ZNF783: variants seen among roughly 807,000 people sequenced by gnomAD.
ZNF783 encodes the protein protein ZNF783.
In ZNF783, 25 loss-of-function variants were observed where a neutral mutation model predicts 31.3. The observed-to-expected ratio is 0.80, with a 90% confidence interval of 0.58 to 1.11. ZNF783 has a LOEUF of 1.11. Ranked by LOEUF, ZNF783 falls within the 50% of genes most tolerant of loss-of-function variation. The pLI is 0.00. For missense variants in ZNF783, 797 were observed against 760.0 expected, an observed-to-expected ratio of 1.05 and a Z score of -0.57; for synonymous variants, 369 against 319.1, an observed-to-expected ratio of 1.16 and a Z score of -1.66.
intron 4 of ZNF783, chr7:149,276,205 T>C: frequency 2.4e-6 from 1 of 423,080 alleles, no homozygotes; most frequent in Non-Finnish European, 3.2e-6. Context: ...TTTCAATTCT[T>C]AGTGGCTCAC....
intron 4 of ZNF783, among the ~76,000 whole-genome samples, chr7:149,270,471 A>G (rs1488731243): frequency 6.6e-6 from 1 of 152,214 alleles, no homozygotes; most frequent in Non-Finnish European, 1.5e-5. Flanking sequence ...TCTTTCCTTT[A>G]TCAGTTTCAG....
At chr7:149,269,646 A>G (rs573422649) in intron 4 of ZNF783, among the ~76,000 whole-genome samples, 79 of 152,324 alleles carry the variant, frequency 5.2e-4, no homozygotes, top group African/African-American at 1.6e-3. Flanking sequence ...ATGTCTAGCT[A>G]GTTACCCTAG....
rs1797141483 is a variant in ZNF783, at chr7:149,268,594, C to T, written c.673+1372C>T. On this transcript the variant is annotated intron_variant, in intron 4 of 5. Transcript: ENST00000434415. The stretch of plus-strand genomic sequence containing the variant: ...GTACCCAAGCTTTTCAATCCATTCT[C>T]CTCTCTTTCCCTTCCCCCTGTAGTA... Among the ~76,000 whole-genome samples the T allele has an allele frequency of 2.6e-5, 4 of 152,256 alleles. No homozygotes were observed. The South Asian group carries it at 8.3e-4, about 32-fold the overall frequency.
chr7:149,271,862 TGTG>T (rs1220405277), intron 4 of ZNF783, among the ~76,000 whole-genome samples: 1 of 152,226 alleles, frequency 6.6e-6, no homozygotes, highest in Non-Finnish European at 1.5e-5. Context: ...TCAGTTCTTC[TGTG>T]GATTCAGAAT....
chr7:149,277,298 C>T, intron 4 of ZNF783: 1 of 152,206 alleles, frequency 6.6e-6, no homozygotes, highest in East Asian at 1.9e-4. Flanking sequence ...ATCTGATGCC[C>T]ATCCAATTTC....
rs1477077833 is a variant in ZNF783, at chr7:149,282,844, G to A, written c.*501G>A. On this transcript the variant is annotated 3_prime_UTR_variant, in exon 6 of 6. Coordinates refer to ENST00000434415, the MANE Select transcript of ZNF783 (RefSeq NM_001195220.2). ...GACTTTGAAATACTTTTGTAAATGT[G>A]TGTAGTTGTTAATGGAACTTTGCCT... 1.3e-5 allele frequency: 2 copies of A among 153,692 alleles called. No homozygotes were observed. Among genetic ancestry groups the A allele is most frequent in the Non-Finnish European group, 2.9e-5 (2 of 69,158 alleles). 9.5% of individuals were successfully genotyped at this position (153,692 alleles called of 1,614,324 possible). A position where few individuals can be genotyped will look rare whatever the true frequency, so the allele number is the denominator to read the frequency against.
chr7:149,275,765 C>T (rs927894126), intron 4 of ZNF783: 9 of 152,364 alleles, frequency 5.9e-5, no homozygotes, highest in Non-Finnish European at 1.0e-4. Context: ...TTGGAGAGGC[C>T]TAGGACTGCC....
In ZNF783 at chr7:149,282,115, C is replaced by T. The variant is rs756150745; in HGVS notation, c.1413C>T (p.Cys471=). ...NGQGWPACPY[C]GKAFRRPSDL... is the part of the protein sequence containing the mutation. ...AGGGCTGGCCCGCCTGCCCCTACTG[C>T]GGCAAGGCCTTCCGCCGGCCCTCGG... is the stretch of plus-strand genomic sequence containing the variant. The change falls in exon 6 of 6, where the codon TGC becomes TGT. Residue 471 remains cysteine (C), a synonymous_variant. Coordinates refer to ENST00000434415, the MANE Select transcript of ZNF783 (RefSeq NM_001195220.2). The T allele has an allele frequency of 1.5e-5, 24 of 1,598,530 alleles. No individual in the cohort carries two copies. Among genetic ancestry groups the T allele is most frequent in the South Asian group, 1.3e-4 (12 of 90,972 alleles).
chr7:149,281,771 A>T lies in ZNF783; in HGVS notation c.1069A>T (p.Ser357Cys). ...ATTCCCCTGCCCCGACTGCGGGCAG[A>T]GCTTCCGCCTGAAGATCAATCTGAC... ...RAFPCPDCGQ[S>C]FRLKINLTIH... The change falls in exon 6 of 6, where the codon AGC becomes TGC. Residue 357 changes from serine (S) to cysteine (C), a missense_variant. Transcript: ENST00000434415. 1 of 1,504,586 alleles carries T rather than the reference A, an allele frequency of 6.6e-7. No individual in the cohort carries two copies. Among genetic ancestry groups the T allele is most frequent in the Non-Finnish European group, 8.8e-7 (1 of 1,135,468 alleles). 93.2% of individuals were successfully genotyped at this position (1,504,586 alleles called of 1,614,324 possible).
Position 149,282,367 on chromosome 7 carries a change from C to T in ZNF783, c.*24C>T, listed in dbSNP as rs1282800126. On this transcript the variant is annotated 3_prime_UTR_variant, in exon 6 of 6. Coordinates refer to ENST00000434415, the MANE Select transcript of ZNF783 (RefSeq NM_001195220.2). The stretch of plus-strand genomic sequence containing the variant: ...GACCTGGCAGGAGCCCACAGAGGAC[C>T]CCTGGCGGGGTCTCTCCCCTGTGCC... 84 of 1,453,670 alleles carry T rather than the reference C, an allele frequency of 5.8e-5. No individual in the cohort carries two copies. Among genetic ancestry groups the T allele is most frequent in the Non-Finnish European group, 7.2e-5 (80 of 1,107,364 alleles). 90.0% of individuals were successfully genotyped at this position (1,453,670 alleles called of 1,614,324 possible). A position where few individuals can be genotyped will look rare whatever the true frequency, so the allele number is the denominator to read the frequency against.
At chr7:149,268,266 T>C (rs1797133253) in intron 4 of ZNF783, among the ~76,000 whole-genome samples, 1 of 152,122 alleles carries the variant, frequency 6.6e-6, no homozygotes, top group Non-Finnish European at 1.5e-5. Flanking sequence ...ATACCTAGCC[T>C]TTGTTTTGTT....
rs1298799498 is a variant in ZNF783, at chr7:149,282,933, G to C, written c.*590G>C. On this transcript the variant is annotated 3_prime_UTR_variant, in exon 6 of 6. Coordinates refer to ENST00000434415, the MANE Select transcript of ZNF783 (RefSeq NM_001195220.2). ...CTCGCAGAGCTGAAAGGGGAGCTAC[G>C]TCCACCAGCCTGTGGGTCTTTTGGT... 2 of 151,018 alleles carry C rather than the reference G, an allele frequency of 1.3e-5. No homozygotes were observed. The highest frequency in any genetic ancestry group is 2.9e-5 in the Non-Finnish European group (2 of 67,840). The allele number at this position is 151,018 out of a possible 1,614,324, so 9.4% of individuals were successfully genotyped here.
intron 4 of ZNF783, chr7:149,277,844 C>T (rs1797370988): frequency 6.6e-6 from 1 of 152,354 alleles, no homozygotes; most frequent in African/African-American, 2.4e-5. Flanking sequence ...TTGCTAACAG[C>T]TGGGTTGGTT....
intron 4 of ZNF783, among the ~76,000 whole-genome samples, chr7:149,269,404 G>T (rs970633503): frequency 2.0e-5 from 3 of 152,174 alleles, no homozygotes; most frequent in Non-Finnish European, 4.4e-5. Context: ...CTTTTGCTCT[G>T]CAGAAGCTCT....
rs777981893 is a variant in ZNF783 at position 149,266,601 on chromosome 7, C to T, written c.291C>T (p.Ala97=). Residue 97 remains alanine, a synonymous_variant, in exon 2 of 6, where the codon GCC becomes GCT. Transcript: ENST00000434415. The stretch of plus-strand genomic sequence containing the variant: ...GGAACCAGCTGGAGGGCAAGTGGGC[C>T]GTGCTGGGGACCTTGCTGCAGGAGT... ...EFGNQLEGKW[A]VLGTLLQEYG... is the part of the protein sequence containing the mutation. 49 of 1,613,998 alleles carry T rather than the reference C, an allele frequency of 3.0e-5. 1 individual carries two copies. In the Middle Eastern group the frequency reaches 4.8e-3, roughly 157 times the overall value.
chr7:149,269,321 C>T (rs1019059973), intron 4 of ZNF783, among the ~76,000 whole-genome samples: 15 of 152,172 alleles, frequency 9.9e-5, no homozygotes, highest in African/African-American at 3.1e-4. Flanking sequence ...GGATGTTAGA[C>T]CTTTGTCAGA....
intron 1 of ZNF783, among the ~76,000 whole-genome samples, chr7:149,263,948 G>C (rs549523742): frequency 6.6e-6 from 1 of 152,108 alleles, no homozygotes; most frequent in Non-Finnish European, 1.5e-5. Context: ...CCTGGGAAGA[G>C]GGGGCCCTAG....
chr7:149,281,815 T>C lies in ZNF783; in HGVS notation c.1113T>C (p.His371=), dbSNP rs553368179. ...ATCTGACGATTCATCAGCGGACCCA[T>C]GTGGAGGAGGGGCGGCAGGAGGCCC... is the stretch of plus-strand genomic sequence containing the variant. ...KINLTIHQRT[H]VEEGRQEAPG... The change falls in exon 6 of 6, where the codon CAT becomes CAC. Residue 371 remains histidine, a synonymous_variant. Coordinates refer to ENST00000434415, the MANE Select transcript of ZNF783 (RefSeq NM_001195220.2). 18 of 1,513,532 alleles carry C rather than the reference T, an allele frequency of 1.2e-5. No homozygotes were observed. The East Asian group carries it at 3.8e-4, about 32-fold the overall frequency. The allele number at this position is 1,513,532 out of a possible 1,614,324, so 93.8% of individuals were successfully genotyped here. A position where few individuals can be genotyped will look rare whatever the true frequency, so the allele number is the denominator to read the frequency against.
chr7:149,266,310 C>G (rs748004505), intron 1 of ZNF783, 25 bp from the exon 2 acceptor site: 3 of 1,515,722 alleles, frequency 2.0e-6, no homozygotes, highest in South Asian at 2.6e-5. Flanking sequence ...CTCATAACAT[C>G]TCTCTTTTCT....
Sources: gnomAD v4.1 joint callset for allele counts (sites outside exome capture counted in the v4.1 genomes callset) on GRCh38, gnomAD v4.1.1 for gene constraint, MANE v1.5 for transcripts, NCBI Gene and HGNC (gene_info 2026-07-23, HGNC 2026-07-21) for gene names.